The following BRDT variants were observed in gnomAD, a reference collection of about 807,000 sequenced individuals.
BRDT encodes bromodomain testis-specific protein.
A neutral mutation model predicts 113.9 loss-of-function variants in BRDT; 77 were observed. The observed-to-expected ratio is 0.68, with a 90% CI of 0.56 to 0.82. BRDT has a LOEUF of 0.82. Ranked by LOEUF, BRDT falls within the 40% of genes least tolerant of loss-of-function variation. The pLI is 0.00. For missense variants in BRDT, 1,027 were observed against 1,105.4 expected (o/e 0.93, Z 1.01); for synonymous variants, 358 against 366.5 (o/e 0.98, Z 0.26).
chr1:91,963,077 A>C, intron 2 of BRDT, 131 bp downstream of exon 2: 1 of 642,308 alleles, frequency 1.6e-6, no homozygotes, highest in Non-Finnish European at 2.4e-6. Flanking sequence ...TAATCCCAGC[A>C]CTTTGGGAGG....
At position 92,003,818 on chromosome 1, in the gene BRDT, A is replaced by G. The variant is rs182556637; in HGVS notation, c.2389-596A>G. Reference sequence around the variant, plus strand: ...TGGGTATATTTGGTTAAATAAATATATTAAATTTACTTAAATTTTTAAAAC... The same window carrying G: ...TGGGTATATTTGGTTAAATAAATATGTTAAATTTACTTAAATTTTTAAAAC... On this transcript the variant is annotated intron_variant, in intron 16 of 18. Transcript: ENST00000399546. Among the ~76,000 whole-genome samples, 394 of 152,310 alleles carry G rather than the reference A, an allele frequency of 2.6e-3. 2 individuals are homozygous for G. The highest frequency in any genetic ancestry group is 8.9e-3 in the African/African-American group (372 of 41,584).
At chr1:91,985,691 T>G (rs1685154996) in intron 12 of BRDT, among the ~76,000 whole-genome samples, 1 of 135,924 alleles carries the variant, frequency 7.4e-6, no homozygotes, top group Admixed American at 8.7e-5. Context: ...CAGGCTGGAG[T>G]GCAGTGGCGC....
chr1:91,993,958 TTAAATAA>T (rs1367875271), intron 14 of BRDT, 118 bp from the exon 15 acceptor site: 28 of 807,104 alleles, frequency 3.5e-5, no homozygotes, highest in Non-Finnish European at 4.8e-5. Context: ...TTTGTGTGAC[TTAAATAA>T]TAAGGTATTT....
At chr1:91,994,376 G>A in intron 15 of BRDT, 122 bp downstream of exon 15, 1 of 798,110 alleles carries the variant, frequency 1.3e-6, no homozygotes, top group Non-Finnish European at 1.9e-6. Context: ...ATCATAACTA[G>A]TAAATTCCAG....
At chr1:92,005,634 A>G (rs1255818555) in intron 18 of BRDT, among the ~76,000 whole-genome samples, 2 of 152,306 alleles carry the variant, frequency 1.3e-5, no homozygotes, top group East Asian at 1.9e-4. Flanking sequence ...ACAGAGCAAC[A>G]TGGTGCTCTC....
At chr1:91,954,032 C>T (rs1681443359) in intron 1 of BRDT, among the ~76,000 whole-genome samples, 1 of 151,964 alleles carries the variant, frequency 6.6e-6, no homozygotes, top group Admixed American at 6.6e-5. Context: ...AGTACAGTGG[C>T]ATGATCTCAG....
intron 15 of BRDT, among the ~76,000 whole-genome samples, chr1:91,998,520 A>G (rs1686556405): frequency 6.6e-6 from 1 of 152,194 alleles, no homozygotes; most frequent in Admixed American, 6.5e-5. Context: ...AAACTTCACC[A>G]AATTATATTG....
At chr1:91,983,694 G>GT (rs142222268) in intron 12 of BRDT, among the ~76,000 whole-genome samples, 19,979 of 139,328 alleles carry the variant, frequency 0.14, 1,409 homozygotes, top group Non-Finnish European at 0.16. Context: ...TGTTTTTTTG[G>GT]TTTTTTTTTT....
chr1:91,976,964 TTTTTC>T (rs1184198991), intron 5 of BRDT, 74 bp from the exon 6 acceptor site: 13 of 1,164,202 alleles, frequency 1.1e-5, no homozygotes, highest in Non-Finnish European at 1.5e-5. Context: ...TCTTTCCCTT[TTTTTC>T]TTTTAACTGA....
chr1:91,999,017 T>G (rs1301009549), intron 15 of BRDT, among the ~76,000 whole-genome samples: 1 of 152,054 alleles, frequency 6.6e-6, no homozygotes, highest in Non-Finnish European at 1.5e-5. Flanking sequence ...AGTGAAGGTG[T>G]GCCTCTGAGT....
chr1:91,968,323 T>G lies in BRDT; in HGVS notation c.445+63T>G, dbSNP rs1444540237. ...TTTTTTCCCCTATCTATCTCATGTG[T>G]GTGTGTAAATCCCTCAAAGGAGACA... On this transcript the variant is annotated intron_variant, in intron 4 of 18. Transcript: ENST00000399546. 3 of 1,571,342 alleles carry G rather than the reference T, an allele frequency of 1.9e-6. No homozygotes were observed. In the African/African-American group the frequency reaches 4.1e-5, roughly 21 times the overall value.
intron 3 of BRDT, among the ~76,000 whole-genome samples, chr1:91,967,485 GCCT>G (rs1265894417): frequency 6.6e-6 from 1 of 150,376 alleles, no homozygotes; most frequent in Non-Finnish European, 1.5e-5. Flanking sequence ...CTCAACCTCT[GCCT>G]CCCGGGTTCA....
intron 17 of BRDT, 97 bp downstream of exon 17, chr1:92,004,716 G>C: frequency 2.7e-6 from 3 of 1,120,040 alleles, no homozygotes; most frequent in South Asian, 1.8e-5. Context: ...TGATTCAACT[G>C]TTTAGTAGAA....
chr1:91,963,052 G>A (rs1364973023), intron 2 of BRDT, 106 bp downstream of exon 2: 13 of 892,130 alleles, frequency 1.5e-5, no homozygotes, highest in East Asian at 8.8e-5. Flanking sequence ...GGCCAGGCGC[G>A]TTGGCTCCCG....
intron 1 of BRDT, among the ~76,000 whole-genome samples, chr1:91,962,144 CAAAAAAAA>C (rs555326698): frequency 1.5e-5 from 1 of 65,062 alleles, no homozygotes; most frequent in African/African-American, 5.9e-5. Context: ...GACTCCGTCT[CAAAAAAAA>C]AAAAAAAAAA....
chr1:91,996,218 G>A (rs1007133584), intron 15 of BRDT, among the ~76,000 whole-genome samples: 2 of 151,934 alleles, frequency 1.3e-5, no homozygotes, highest in Non-Finnish European at 2.9e-5. Context: ...CTTTGTATAG[G>A]AAGCATAATC....
At position 91,979,720 on chromosome 1, in the gene BRDT, A is replaced by T; in HGVS notation, c.1250A>T (p.Asp417Val). 3 of 1,612,000 alleles carry T rather than the reference A, an allele frequency of 1.9e-6. No individual in the cohort carries two copies. The highest frequency in any genetic ancestry group is 2.5e-6 in the Non-Finnish European group (3 of 1,179,582). ...SEGNSSDDSEDERVKRLAKLQ... is the reference protein window; with the variant it reads ...SEGNSSDDSEVERVKRLAKLQ... ...GGGAACTCTTCTGATGATTCTGAAG[A>T]TGAGCGAGTTAAGCGTCTTGCAAAG... Residue 417 changes from aspartate to valine, a missense_variant, in exon 8 of 19, where the codon GAT becomes GTT. Asp to Val is a radical substitution (Grantham distance 152, BLOSUM62 -3). Coordinates refer to ENST00000399546, the MANE Select transcript of BRDT (RefSeq NM_207189.4).
intron 8 of BRDT, among the ~76,000 whole-genome samples, chr1:91,980,016 A>T (rs1353640218): frequency 6.6e-6 from 1 of 152,216 alleles, no homozygotes; most frequent in Non-Finnish European, 1.5e-5. Context: ...TATGAAATAG[A>T]GATATTTTAT....
chr1:91,973,491 C>G (rs968710248), intron 4 of BRDT, among the ~76,000 whole-genome samples: 1 of 152,046 alleles, frequency 6.6e-6, no homozygotes, highest in African/African-American at 2.4e-5. Flanking sequence ...TTGAAGAGGT[C>G]CTTCACATCC....
Sources: gnomAD v4.1 joint callset for allele counts (sites outside exome capture counted in the v4.1 genomes callset) on GRCh38, gnomAD v4.1.1 for gene constraint, MANE v1.5 for transcripts, NCBI Gene and HGNC (gene_info 2026-07-23, HGNC 2026-07-21) for gene names.